FSCN3: variants seen among roughly 807,000 people sequenced by gnomAD.
FSCN3 encodes the protein fascin actin-bundling protein 3.
In FSCN3, 43 loss-of-function variants were observed where a neutral mutation model predicts 53.5. The observed-to-expected ratio is 0.80, with a 90% CI of 0.63 to 1.04. FSCN3 has a LOEUF of 1.04. Ranked by LOEUF, FSCN3 falls within the 50% of genes least tolerant of loss-of-function variation. The pLI, the probability that FSCN3 is intolerant of heterozygous loss-of-function variation, is 0.00. For synonymous variants in FSCN3, 235 were observed against 246.6 expected, an observed-to-expected ratio of 0.95 and a Z score of 0.44; for missense variants, 594 against 646.5, an observed-to-expected ratio of 0.92 and a Z score of 0.88.
At position 127,596,314 on chromosome 7, in the gene FSCN3, C is replaced by G. The variant is rs200491690; in HGVS notation, c.842-14C>G. The G allele has an allele frequency of 6.3e-7, 1 of 1,581,344 alleles. No homozygotes were observed. Among genetic ancestry groups the G allele is most frequent in the East Asian group, 2.2e-5 (1 of 44,702 alleles). ...CTGAGGGGAGGCTTTTACTGACATG[C>G]GCTTCCTCTGCAGATGGTGAGGTGC... is the stretch of plus-strand genomic sequence containing the variant. On this transcript the variant is annotated splice_polypyrimidine_tract_variant and intron_variant, in intron 2 of 6. Coordinates refer to ENST00000265825, the MANE Select transcript of FSCN3 (RefSeq NM_020369.3).
chr7:127,594,026 GT>G (rs1794335145), intron 1 of FSCN3, 29 bp downstream of exon 1: 2 of 1,610,224 alleles, frequency 1.2e-6, no homozygotes, highest in African/African-American at 2.7e-5. Flanking sequence ...GCTGGCACCA[GT>G]TTTCTGAGTG....
intron 6 of FSCN3, 28 bp downstream of exon 6, chr7:127,600,427 A>G (rs1794456238): frequency 7.2e-7 from 1 of 1,385,872 alleles, no homozygotes; most frequent in Non-Finnish European, 1.0e-6. Context: ...GTAAGGGGCT[A>G]GGGGAGCAGA....
rs532770257 is a variant in FSCN3 at position 127,601,656 on chromosome 7, C to G, written c.*34C>G. 2 of 152,304 alleles carry G rather than the reference C, an allele frequency of 1.3e-5. No homozygotes were observed. Among genetic ancestry groups the G allele is most frequent in the African/African-American group, 4.8e-5 (2 of 41,554 alleles). 9.4% of individuals were successfully genotyped at this position (152,304 alleles called of 1,614,324 possible). A position where few individuals can be genotyped will look rare whatever the true frequency, so the allele number is the denominator to read the frequency against. ...GATGTCACCTACCAAAATCCAAATCCTCCAGGAAAAACTACTACACTAAAT... is the reference window on the plus strand; with the variant it reads ...GATGTCACCTACCAAAATCCAAATCGTCCAGGAAAAACTACTACACTAAAT... On this transcript the variant is annotated 3_prime_UTR_variant, in exon 7 of 7. Coordinates refer to ENST00000265825, the MANE Select transcript of FSCN3 (RefSeq NM_020369.3).
At position 127,599,671 on chromosome 7, in the gene FSCN3, C is replaced by T. The variant is rs184992037; in HGVS notation, c.1291+120C>T. The stretch of plus-strand genomic sequence containing the variant: ...ATTATAAAAGGAAAAACAGGCCAGG[C>T]GCAGTGGCTCATGCCTGTAATCCCA... On this transcript the variant is annotated intron_variant, in intron 5 of 6. Transcript: ENST00000265825. 1.1e-3 allele frequency: 962 copies of T among 891,404 alleles called. 8 individuals are homozygous for T. In the African/African-American group the frequency reaches 0.014, roughly 13 times the overall value. The allele number at this position is 891,404 out of a possible 1,614,324, so 55.2% of individuals were successfully genotyped here.
At chr7:127,595,276 A>G in intron 1 of FSCN3, 31 bp from the exon 2 acceptor site, 2 of 1,572,728 alleles carry the variant, frequency 1.3e-6, no homozygotes, top group Non-Finnish European at 1.7e-6. Flanking sequence ...CGTGATACTG[A>G]TTTCCCTCTT....
In FSCN3 at chr7:127,599,195, G is replaced by T. The variant is rs558632525; in HGVS notation, c.1121-186G>T. Among the ~76,000 whole-genome samples the T allele has an allele frequency of 2.0e-5, 3 of 152,208 alleles. No homozygotes were observed. In the East Asian group the frequency reaches 5.8e-4, roughly 29 times the overall value. Reference sequence around the variant, plus strand: ...AGAATATTAAAGCTTCTTGGGTTTCGCATGTGCTAGGTACTCTCACAAACA... The same window carrying T: ...AGAATATTAAAGCTTCTTGGGTTTCTCATGTGCTAGGTACTCTCACAAACA... On this transcript the variant is annotated intron_variant, in intron 4 of 6. Coordinates refer to ENST00000265825, the MANE Select transcript of FSCN3 (RefSeq NM_020369.3).
rs1287478570 is a variant in FSCN3, at chr7:127,595,895, G to T, written c.733G>T (p.Gly245Cys). 3 of 1,613,252 alleles carry T rather than the reference G, an allele frequency of 1.9e-6. No individual in the cohort carries two copies. Among genetic ancestry groups the T allele is most frequent in the Non-Finnish European group, 2.5e-6 (3 of 1,179,630 alleles). ...TCCACAGGGCACGCATCTGCTCTTG[G>T]GCATGGGCTGCAACCCCATGAGGGG... ...LYPQGTHLLL[G>C]MGCNPMRGEE... The change falls in exon 2 of 7, where the codon GGC (glycine) becomes TGC (cysteine). Residue 245 changes from glycine (G) to cysteine (C), a missense_variant. By Grantham distance (159) the Gly-to-Cys change is radical. Transcript: ENST00000265825.
Position 127,593,806 on chromosome 7 carries a change from G to C in FSCN3, c.-48G>C, listed in dbSNP as rs776872964. 61 of 1,550,370 alleles carry C rather than the reference G, an allele frequency of 3.9e-5. No individual in the cohort carries two copies. The highest frequency in any genetic ancestry group is 9.5e-5 in the South Asian group (8 of 83,964). ...CTATGGCCTGTGGAACCTCACCACG[G>C]GGGGGAGGGCTGGGCCAGACGGAGA... On this transcript the variant is annotated 5_prime_UTR_variant, in exon 1 of 7. Coordinates refer to ENST00000265825, the MANE Select transcript of FSCN3 (RefSeq NM_020369.3).
chr7:127,595,169 A>G (rs1424097644), intron 1 of FSCN3, 138 bp from the exon 2 acceptor site: 13 of 682,278 alleles, frequency 1.9e-5, no homozygotes, highest in African/African-American at 1.6e-4. Context: ...GCAAGGAGAT[A>G]CCAGGGCTGA....
intron 1 of FSCN3, 49 bp downstream of exon 1, chr7:127,594,046 G>T: frequency 7.4e-7 from 1 of 1,356,566 alleles, no homozygotes; most frequent in Non-Finnish European, 9.9e-7. Flanking sequence ...TGGCCAAGCT[G>T]TGTGTGTGTG....
At chr7:127,598,364 T>C in intron 3 of FSCN3, 71 bp from the exon 4 acceptor site, 1 of 1,428,212 alleles carries the variant, frequency 7.0e-7, no homozygotes, top group Non-Finnish European at 9.8e-7. Context: ...GGTCTAGGAA[T>C]AAAACTGATG....
chr7:127,594,532 C>G, intron 1 of FSCN3: 1 of 471,202 alleles, frequency 2.1e-6, no homozygotes, highest in Non-Finnish European at 4.4e-6. Flanking sequence ...AAGTGGAGAG[C>G]ACAGGGTGGT....
chr7:127,594,071 T>C (rs1272808008), intron 1 of FSCN3, 74 bp downstream of exon 1: 11 of 1,494,922 alleles, frequency 7.4e-6, no homozygotes, highest in Non-Finnish European at 1.0e-5. Context: ...CGCGCGCGCG[T>C]GTGTGTGCGT....
chr7:127,596,292 A>T, intron 2 of FSCN3, 36 bp from the exon 3 acceptor site: 1 of 1,554,896 alleles, frequency 6.4e-7, no homozygotes, highest in Non-Finnish European at 8.9e-7. Flanking sequence ...GCCGAGACTG[A>T]GGGGAGGCTT....
rs139948688 is a variant in FSCN3 at position 127,595,348 on chromosome 7, C to T, written c.186C>T (p.Ala62=). The T allele has an allele frequency of 4.5e-5, 73 of 1,613,606 alleles. 2 individuals carry two copies. In the South Asian group the frequency reaches 5.5e-4, roughly 12 times the overall value. ...ILVSNEHETQ[A]VVRLKSVQGL... is the part of the protein sequence containing the mutation. ...TGAGCAATGAGCATGAGACACAGGC[C>T]GTGGTGCGACTAAAGAGCGTGCAGG... The change falls in exon 2 of 7, where the codon GCC becomes GCT. Residue 62 remains alanine (A), a synonymous_variant. Transcript: ENST00000265825.
Position 127,596,398 on chromosome 7 carries a change from G to A in FSCN3, c.912G>A (p.Glu304=). The A allele has an allele frequency of 6.2e-7, 1 of 1,611,622 alleles. No individual in the cohort carries two copies. Among genetic ancestry groups the A allele is most frequent in the Non-Finnish European group, 8.5e-7 (1 of 1,177,742 alleles). The stretch of plus-strand genomic sequence containing the variant: ...TGTTCCAGTTTGAATGTGACAGTGA[G>A]AGCCCCACTGTGCAGCTTCGTTCAG... ...MSLFQFECDS[E]SPTVQLRSAN... Residue 304 remains glutamate, a synonymous_variant, in exon 3 of 7, where the codon GAG becomes GAA. Coordinates refer to ENST00000265825, the MANE Select transcript of FSCN3 (RefSeq NM_020369.3).
At chr7:127,598,312 C>T (rs983044728) in intron 3 of FSCN3, 123 bp from the exon 4 acceptor site, 15 of 907,798 alleles carry the variant, frequency 1.7e-5, no homozygotes, top group South Asian at 1.3e-4. Flanking sequence ...AGCATCAACT[C>T]TGGGAGCATG....
rs753668205 is a variant in FSCN3 at position 127,595,955 on chromosome 7, T to C, written c.793T>C (p.Trp265Arg). The change falls in exon 2 of 7, where the codon TGG becomes CGG. Residue 265 changes from tryptophan (W) to arginine (R), a missense_variant. Transcript: ENST00000265825. ...GTTCATCCTACAGCACTGCCCAACC[T>C]GGGTCAGCCTCAGGTCAAAGACTGG... ...EWFILQHCPT[W>R]VSLRSKTGRF... 2.5e-6 allele frequency: 4 copies of C among 1,584,798 alleles called. No homozygotes were observed. The highest frequency in any genetic ancestry group is 3.4e-6 in the Non-Finnish European group (4 of 1,164,220).
intron 3 of FSCN3, among the ~76,000 whole-genome samples, chr7:127,598,072 C>A (rs1794417930): frequency 6.6e-6 from 1 of 152,190 alleles, no homozygotes; most frequent in Admixed American, 6.5e-5. Flanking sequence ...TCATTGCCTA[C>A]CCCAAAGTTG....
Sources: gnomAD v4.1 joint callset for allele counts (sites outside exome capture counted in the v4.1 genomes callset) on GRCh38, gnomAD v4.1.1 for gene constraint, MANE v1.5 for transcripts, NCBI Gene and HGNC (gene_info 2026-07-23, HGNC 2026-07-21) for gene names.